HERC4: variants seen among roughly 807,000 people sequenced by gnomAD.
HERC4 encodes probable E3 ubiquitin-protein ligase HERC4.
HERC4 carries 28 observed loss-of-function variants against 124.3 expected under a neutral mutation model. The ratio of observed to expected loss-of-function variants is 0.23; its 90% CI spans 0.17 to 0.31. The LOEUF (loss-of-function observed/expected upper bound fraction) is 0.31. Among genes scored for constraint, HERC4 ranks in the 10% least tolerant of loss-of-function variants. The pLI is 1.00. For synonymous variants in HERC4, 407 were observed against 421.5 expected, an observed-to-expected ratio of 0.97 and a Z score of 0.42; for missense variants, 713 against 1,229.3, an observed-to-expected ratio of 0.58 and a Z score of 6.28.
chr10:68,029,328 T>C (rs1409770857), intron 7 of HERC4, among the ~76,000 whole-genome samples: 2 of 152,158 alleles, frequency 1.3e-5, no homozygotes, highest in Admixed American at 1.3e-4. Context: ...CCATCTCTAC[T>C]AAAAATACAG....
chr10:67,957,842 C>A (rs2034246805), intron 16 of HERC4, among the ~76,000 whole-genome samples: 1 of 152,076 alleles, frequency 6.6e-6, no homozygotes, highest in African/African-American at 2.4e-5. Context: ...GAGTCTTGCA[C>A]TGATGCCGGG....
At chr10:67,941,297 T>C (rs1057326502) in intron 19 of HERC4, among the ~76,000 whole-genome samples, 192 bp from the exon 20 acceptor site, 3 of 152,192 alleles carry the variant, frequency 2.0e-5, no homozygotes, top group Admixed American at 2.0e-4. Flanking sequence ...ATGTAGCATA[T>C]TTTCTCAGAC....
At position 67,992,249 on chromosome 10, in the gene HERC4, A is replaced by T; in HGVS notation, c.1221T>A (p.Ile407=). 1 of 1,614,144 alleles carries T rather than the reference A, an allele frequency of 6.2e-7. No individual in the cohort carries two copies. The highest frequency in any genetic ancestry group is 8.5e-7 in the Non-Finnish European group (1 of 1,179,994). ...KQIWTVNEAL[I]QKWLSYPSGR... The stretch of plus-strand genomic sequence containing the variant: ...CAGAAGGATAGCTCAGCCATTTCTG[A>T]ATTAGAGCTTCATTCACTGTCCAGA... The change falls in exon 11 of 25, where the codon ATT becomes ATA. Residue 407 remains isoleucine (I), a synonymous_variant. Coordinates refer to ENST00000373700, the MANE Select transcript of HERC4 (RefSeq NM_015601.4).
intron 3 of HERC4, among the ~76,000 whole-genome samples, chr10:68,071,748 T>G (rs1158502693): frequency 6.6e-5 from 10 of 152,210 alleles, no homozygotes; most frequent in Admixed American, 6.5e-4. Flanking sequence ...TACTTTGAGT[T>G]CTGCAAGAAT....
Position 68,072,875 on chromosome 10 carries a change from C to T in HERC4, c.226+8G>A. 1.3e-6 allele frequency: 2 copies of T among 1,532,722 alleles called. No homozygotes were observed. Among genetic ancestry groups the T allele is most frequent in the Non-Finnish European group, 1.8e-6 (2 of 1,139,194 alleles). The allele number at this position is 1,532,722 out of a possible 1,614,324, so 94.9% of individuals were successfully genotyped here. ...AAAATAGCAAATTTTAAAAACATTT[C>T]AACTTACCTGGTTTCTTTCTGGATT... On this transcript the variant is annotated splice_region_variant and intron_variant, in intron 3 of 24. Transcript: ENST00000373700.
intron 20 of HERC4, among the ~76,000 whole-genome samples, chr10:67,940,221 T>G (rs2032761598): frequency 6.6e-6 from 1 of 152,164 alleles, no homozygotes; most frequent in African/African-American, 2.4e-5. Context: ...CCACCGCACC[T>G]GGCCCATTTG....
chr10:67,981,306 T>C (rs1214433681), intron 15 of HERC4, among the ~76,000 whole-genome samples: 1 of 152,236 alleles, frequency 6.6e-6, no homozygotes, highest in Non-Finnish European at 1.5e-5. Context: ...TATATAATGA[T>C]AAAGTGGTCA....
At chr10:67,957,739 T>G (rs2034234911) in intron 16 of HERC4, among the ~76,000 whole-genome samples, 1 of 152,230 alleles carries the variant, frequency 6.6e-6, no homozygotes, top group Non-Finnish European at 1.5e-5. Flanking sequence ...ATGAGACTTC[T>G]AATGAAGAAT....
At chr10:67,978,490 T>C (rs558792439) in intron 15 of HERC4, among the ~76,000 whole-genome samples, 2 of 152,336 alleles carry the variant, frequency 1.3e-5, no homozygotes, top group African/African-American at 2.4e-5. Context: ...TTTTTCACTC[T>C]AGTCCCTGGC....
intron 8 of HERC4, 105 bp downstream of exon 8, chr10:68,025,441 A>T: frequency 7.8e-7 from 1 of 1,277,282 alleles, no homozygotes; most frequent in Non-Finnish European, 1.1e-6. Context: ...ATTTGGGGGC[A>T]GAATGTGTTT....
intron 21 of HERC4, among the ~76,000 whole-genome samples, chr10:67,936,972 C>A (rs182206800): frequency 2.0e-5 from 3 of 151,862 alleles, no homozygotes; most frequent in African/African-American, 7.2e-5. Context: ...ATTTATAAGA[C>A]AGAGATGAAT....
At chr10:67,975,180 ACT>A (rs2035509946) in intron 15 of HERC4, among the ~76,000 whole-genome samples, 1 of 151,668 alleles carries the variant, frequency 6.6e-6, no homozygotes, top group Non-Finnish European at 1.5e-5. Flanking sequence ...CAAGAGCCAA[ACT>A]CTGTCTTTAA....
At chr10:67,954,286 C>T (rs1020978342) in intron 19 of HERC4, 20 of 200,182 alleles carry the variant, frequency 1.0e-4, no homozygotes, top group African/African-American at 4.6e-4. Context: ...ATTAATTTTT[C>T]CCAACAGAAA....
chr10:68,020,093 G>A (rs142185338), intron 8 of HERC4, among the ~76,000 whole-genome samples: 39 of 152,244 alleles, frequency 2.6e-4, no homozygotes, highest in African/African-American at 9.1e-4. Flanking sequence ...CATTAGCAGG[G>A]AAAGGTATAG....
At chr10:67,939,394 A>G (rs971576201) in intron 21 of HERC4, among the ~76,000 whole-genome samples, 194 bp downstream of exon 21, 1 of 152,210 alleles carries the variant, frequency 6.6e-6, no homozygotes, top group Non-Finnish European at 1.5e-5. Context: ...GATAATCCCA[A>G]CCTCACTGGA....
chr10:67,992,429 C>G, intron 10 of HERC4, 106 bp from the exon 11 acceptor site: 2 of 1,398,632 alleles, frequency 1.4e-6, no homozygotes, highest in Non-Finnish European at 1.9e-6. Context: ...TTAAATCTCT[C>G]CTGAACACCT....
intron 7 of HERC4, among the ~76,000 whole-genome samples, chr10:68,028,037 G>A (rs943665678): frequency 5.4e-5 from 8 of 148,306 alleles, no homozygotes; most frequent in Admixed American, 5.4e-4. Context: ...GTGTCAGCCT[G>A]ATACATCCCC....
In HERC4 at chr10:68,072,938, T is replaced by A; in HGVS notation, c.171A>T (p.Thr57=). 6.2e-7 allele frequency: 1 copy of A among 1,614,088 alleles called. No homozygotes were observed. The highest frequency in any genetic ancestry group is 8.5e-7 in the Non-Finnish European group (1 of 1,179,946). Residue 57 remains threonine (T), a synonymous_variant, in exon 3 of 25, where the codon ACA becomes ACT. Transcript: ENST00000373700. The part of the protein sequence containing the change: ...VFVLDDGTVY[T]CGCNDLGQLG... ...GCTGTCCTAGATCATTACATCCACA[T>A]GTGTACACTGTTCCATCATCCAGAA...
In HERC4 at chr10:67,954,945, C is replaced by G; in HGVS notation, c.2193+18G>C. 12 of 1,579,258 alleles carry G rather than the reference C, an allele frequency of 7.6e-6. No homozygotes were observed. The highest frequency in any genetic ancestry group is 1.0e-5 in the Non-Finnish European group (12 of 1,168,530). On this transcript the variant is annotated intron_variant, in intron 18 of 24. Transcript: ENST00000373700. ...CTGAATAAAAGTCCCAATTATACCACAGAAAATGTCAAATTACCTTGAGTG... is the reference window on the plus strand; with the variant it reads ...CTGAATAAAAGTCCCAATTATACCAGAGAAAATGTCAAATTACCTTGAGTG...
Sources: gnomAD v4.1 joint callset for allele counts (sites outside exome capture counted in the v4.1 genomes callset) on GRCh38, gnomAD v4.1.1 for gene constraint, MANE v1.5 for transcripts, NCBI Gene and HGNC (gene_info 2026-07-23, HGNC 2026-07-21) for gene names.